The following TRIQK variants were observed in gnomAD, a reference collection of about 807,000 sequenced individuals.
TRIQK encodes triple QxxK/R motif containing.
TRIQK carries 10 observed loss-of-function variants against 10.8 expected under a neutral mutation model. That is an observed-to-expected ratio of 0.92 (90% CI 0.57 to 1.57). TRIQK has a LOEUF of 1.57. Among genes scored for constraint, TRIQK ranks in the 40% most tolerant of loss-of-function variants. The pLI is 0.00. For synonymous variants in TRIQK, 33 were observed against 33.7 expected (o/e 0.98, Z 0.07); for missense variants, 107 against 97.7 (o/e 1.09, Z -0.40).
At chr8:92,953,768 G>C (rs954411071) in intron 2 of TRIQK, 4 of 151,884 alleles carry the variant, frequency 2.6e-5, no homozygotes, top group Non-Finnish European at 4.4e-5. Context: ...CAGTTTAAGA[G>C]CTTTATTTAG....
intron 1 of TRIQK, among the ~76,000 whole-genome samples, chr8:92,988,721 A>G (rs1813064250): frequency 6.6e-6 from 1 of 152,336 alleles, no homozygotes; most frequent in Non-Finnish European, 1.5e-5. Flanking sequence ...CAGTTTTGTT[A>G]TCTCATTACA....
At chr8:92,958,557 A>G (rs1298917925) in intron 1 of TRIQK, among the ~76,000 whole-genome samples, 3 of 151,926 alleles carry the variant, frequency 2.0e-5, no homozygotes, top group Non-Finnish European at 2.9e-5. Context: ...ATTTTGTTTC[A>G]TTTATGGAAT....
At chr8:92,929,255 T>C (rs1810592613) in intron 2 of TRIQK, among the ~76,000 whole-genome samples, 1 of 152,162 alleles carries the variant, frequency 6.6e-6, no homozygotes, top group Admixed American at 6.5e-5. Flanking sequence ...AAATATTGCG[T>C]TAGACAGATG....
chr8:93,015,968 A>G (rs1457073195), intron 1 of TRIQK, among the ~76,000 whole-genome samples: 1 of 152,172 alleles, frequency 6.6e-6, no homozygotes, highest in Non-Finnish European at 1.5e-5. Context: ...ATAAAACAGA[A>G]CTTTCCTGAG....
chr8:92,955,831 A>G (rs2130688140), intron 1 of TRIQK, among the ~76,000 whole-genome samples: 1 of 152,006 alleles, frequency 6.6e-6, no homozygotes, highest in South Asian at 2.1e-4. Context: ...GCTCAACATC[A>G]TTAGTCATTA....
chr8:92,914,211 T>C (rs1292762992), intron 3 of TRIQK, among the ~76,000 whole-genome samples: 3 of 152,208 alleles, frequency 2.0e-5, no homozygotes, highest in Non-Finnish European at 4.4e-5. Context: ...AGTACTTTTA[T>C]GTCTTATATT....
chr8:92,984,617 A>T (rs1297399669), intron 1 of TRIQK, among the ~76,000 whole-genome samples: 2 of 152,178 alleles, frequency 1.3e-5, no homozygotes, highest in Non-Finnish European at 2.9e-5. Context: ...CTTTCGAAAC[A>T]TATTTCCTTT....
At chr8:92,919,177 T>C (rs1460382832) in intron 2 of TRIQK, among the ~76,000 whole-genome samples, 1 of 151,946 alleles carries the variant, frequency 6.6e-6, no homozygotes. Context: ...TTTTTTCTTT[T>C]TGCTCAGAAC....
chr8:92,974,508 A>G (rs1162554218), intron 1 of TRIQK: 1 of 152,242 alleles, frequency 6.6e-6, no homozygotes, highest in Non-Finnish European at 1.5e-5. Context: ...CAAGAAATTC[A>G]TTATTCTATA....
At chr8:92,998,002 AT>A (rs1445661461) in intron 1 of TRIQK, among the ~76,000 whole-genome samples, 1 of 151,954 alleles carries the variant, frequency 6.6e-6, no homozygotes, top group Non-Finnish European at 1.5e-5. Context: ...TACATTATTG[AT>A]TTTCCTAATA....
At chr8:92,958,058 GATCCTC>G (rs1463118279) in intron 1 of TRIQK, among the ~76,000 whole-genome samples, 1 of 151,820 alleles carries the variant, frequency 6.6e-6, no homozygotes, top group Non-Finnish European at 1.5e-5. Flanking sequence ...ACCTGAAATG[GATCCTC>G]ATTGCCTCCA....
chr8:93,008,022 C>T (rs1004991925), intron 1 of TRIQK, among the ~76,000 whole-genome samples: 13 of 152,174 alleles, frequency 8.5e-5, no homozygotes, highest in Non-Finnish European at 1.5e-4. Flanking sequence ...CCAACATCCT[C>T]AGCAAACTAA....
At chr8:93,015,936 CT>C (rs145852910) in intron 1 of TRIQK, among the ~76,000 whole-genome samples, 1 of 147,912 alleles carries the variant, frequency 6.8e-6, no homozygotes, top group East Asian at 2.0e-4. Flanking sequence ...ATAAAAACAC[CT>C]TTTTTTAAGT....
intron 1 of TRIQK, among the ~76,000 whole-genome samples, chr8:92,998,266 T>C (rs1272107626): frequency 6.6e-6 from 1 of 152,030 alleles, no homozygotes; most frequent in African/African-American, 2.4e-5. Flanking sequence ...TGATATATTT[T>C]AACTCTCTTT....
chr8:92,894,451 A>G (rs892255736), intron 3 of TRIQK, among the ~76,000 whole-genome samples: 3 of 122,750 alleles, frequency 2.4e-5, no homozygotes, highest in Non-Finnish European at 5.1e-5. Flanking sequence ...CACCTAAGGG[A>G]AAAAAAAAAC....
upstream of TRIQK, among the ~76,000 whole-genome samples, chr8:92,971,073 T>G (rs545585655): frequency 4.6e-5 from 7 of 152,254 alleles, no homozygotes; most frequent in Admixed American, 2.6e-4. Context: ...CATTGCTTGT[T>G]TTTTTCCTGT....
chr8:92,886,568 C>A lies in TRIQK; in HGVS notation c.*54G>T. ...AGTTTCAGTATTGAAAGTTTTGGTC[C>A]CAAAAGGTGCTTTCGTAAAGTTATT... is the stretch of plus-strand genomic sequence containing the variant. On this transcript the variant is annotated 3_prime_UTR_variant, in exon 5 of 5. Coordinates refer to ENST00000521988, the MANE Select transcript of TRIQK (RefSeq NM_001171797.2). The A allele has an allele frequency of 4.3e-6, 5 of 1,155,338 alleles. No individual in the cohort carries two copies. The highest frequency in any genetic ancestry group is 3.0e-5 in the South Asian group (2 of 65,622). 71.6% of individuals were successfully genotyped at this position (1,155,338 alleles called of 1,614,324 possible). A position where few individuals can be genotyped will look rare whatever the true frequency, so the allele number is the denominator to read the frequency against.
At chr8:92,891,740 G>A (rs1185426062) in intron 4 of TRIQK, among the ~76,000 whole-genome samples, 1 of 151,862 alleles carries the variant, frequency 6.6e-6, no homozygotes, top group Non-Finnish European at 1.5e-5. Context: ...TAGCTAGAGA[G>A]AAAATAAATT....
At chr8:92,984,469 G>C (rs867921346) in intron 1 of TRIQK, among the ~76,000 whole-genome samples, 1 of 152,048 alleles carries the variant, frequency 6.6e-6, no homozygotes, top group Admixed American at 6.6e-5. Context: ...TGTGAGTTCA[G>C]TTGGTCATAA....
Sources: allele counts gnomAD v4.1 joint callset (sites outside exome capture counted in the v4.1 genomes callset), GRCh38; gene constraint gnomAD v4.1.1; transcripts MANE v1.5; gene names NCBI Gene and HGNC (gene_info 2026-07-23, HGNC 2026-07-21).